USP26: variants seen among roughly 807,000 people sequenced by gnomAD.
USP26 encodes ubiquitin carboxyl-terminal hydrolase 26.
For synonymous variants in USP26, 236 were observed against 240.6 expected (o/e 0.98, Z 0.18); for missense variants, 649 against 642.3 (o/e 1.01, Z -0.11).
chrX:133,075,062 C>T (rs756903207), intron 5 of USP26, among the ~76,000 whole-genome samples: 9 of 111,395 alleles, frequency 8.1e-5, no homozygotes, highest in African/African-American at 1.6e-4. Context: ...GCATTAAAGA[C>T]GGCAGTTCCT....
intron 5 of USP26, among the ~76,000 whole-genome samples, chrX:133,061,359 G>A (rs898161751): frequency 8.9e-6 from 1 of 112,072 alleles, no homozygotes; most frequent in African/African-American, 3.2e-5. Context: ...GTGTGCTGAG[G>A]GTCTTATTTC....
At chrX:133,081,068 T>G (rs1270443756) in intron 5 of USP26, among the ~76,000 whole-genome samples, 1 of 111,250 alleles carries the variant, frequency 9.0e-6, no homozygotes, top group Non-Finnish European at 1.9e-5. Flanking sequence ...TTGCCTAATT[T>G]GGCCTGTCTC....
At chrX:133,066,788 C>A (rs2067513201) in intron 5 of USP26, among the ~76,000 whole-genome samples, 1 of 111,823 alleles carries the variant, frequency 8.9e-6, no homozygotes, top group African/African-American at 3.3e-5. Flanking sequence ...AAAACCTAGG[C>A]AATACCACCC....
intron 5 of USP26, among the ~76,000 whole-genome samples, chrX:133,055,561 C>A (rs1297773607): frequency 8.9e-6 from 1 of 111,859 alleles, no homozygotes; most frequent in African/African-American, 3.3e-5. Context: ...AGGCAATACT[C>A]AGTAGCTATT....
At chrX:133,032,084 G>A (rs769410102) in intron 5 of USP26, among the ~76,000 whole-genome samples, 87 of 111,529 alleles carry the variant, frequency 7.8e-4, no homozygotes, top group African/African-American at 2.7e-3. Context: ...GGGAAACGGA[G>A]GTTGCAGTGC....
At chrX:133,035,287 G>A (rs2067392326) in intron 5 of USP26, among the ~76,000 whole-genome samples, 1 of 112,310 alleles carries the variant, frequency 8.9e-6, no homozygotes, top group African/African-American at 3.2e-5. Context: ...ATCATCCAAA[G>A]GAATTATTTG....
chrX:133,092,037 T>G (rs1280787092), intron 1 of USP26, among the ~76,000 whole-genome samples: 1 of 111,572 alleles, frequency 9.0e-6, no homozygotes, highest in Non-Finnish European at 1.9e-5. Flanking sequence ...GAACACTTCC[T>G]TTTCCACTTA....
chrX:133,066,636 T>G (rs145863381), intron 5 of USP26, among the ~76,000 whole-genome samples: 2,242 of 111,890 alleles, frequency 0.02, 24 homozygotes, highest in Non-Finnish European at 0.032. Context: ...CATTCCCTAT[T>G]TAATAAATGG....
chrX:133,069,451 G>T (rs1444343078), intron 5 of USP26, among the ~76,000 whole-genome samples: 1 of 111,171 alleles, frequency 9.0e-6, no homozygotes, highest in African/African-American at 3.3e-5. Context: ...GGGAATGGAG[G>T]TGGTGGGGAG....
At chrX:133,047,134 T>C (rs2067443629) in intron 5 of USP26, among the ~76,000 whole-genome samples, 1 of 111,774 alleles carries the variant, frequency 8.9e-6, no homozygotes, top group African/African-American at 3.3e-5. Flanking sequence ...AAACCCTTAC[T>C]TGCCCCGAAT....
intron 5 of USP26, among the ~76,000 whole-genome samples, chrX:133,077,809 C>T (rs1375523309): frequency 5.4e-5 from 6 of 111,724 alleles, no homozygotes; most frequent in Non-Finnish European, 7.5e-5. Context: ...TGGCTGGGTG[C>T]GGTGGCTTAC....
chrX:133,037,691 GT>G (rs766170674), intron 5 of USP26, among the ~76,000 whole-genome samples: 2 of 112,094 alleles, frequency 1.8e-5, no homozygotes, highest in South Asian at 7.4e-4. Context: ...GTTTAAGGAA[GT>G]TTTTTCTAGT....
At chrX:133,066,336 C>T (rs772069827) in intron 5 of USP26, among the ~76,000 whole-genome samples, 1 of 111,886 alleles carries the variant, frequency 8.9e-6, no homozygotes, top group African/African-American at 3.2e-5. Flanking sequence ...TTCCATCAAG[C>T]TACCATTTAC....
intron 5 of USP26, among the ~76,000 whole-genome samples, chrX:133,065,659 T>G (rs1173793940): frequency 8.9e-6 from 1 of 112,002 alleles, no homozygotes; most frequent in Non-Finnish European, 1.9e-5. Flanking sequence ...GAAAAGGCCT[T>G]CGATAAAATC....
At position 133,026,871 on chromosome X, in the gene USP26, A is replaced by C. The variant is rs750488219; in HGVS notation, c.1350T>G (p.Ala450=). The change falls in exon 6 of 6, where the codon GCT becomes GCG. Residue 450 remains alanine (A), a synonymous_variant. Transcript: ENST00000511190. ...CTGTCTTGAGAATAACCTGACCACA[A>C]GCTTTACAAGCAATGGAGTGCAACA... ...LELLHSIACK[A]CGQVILKTEL... The C allele has an allele frequency of 8.3e-7, 1 of 1,209,632 alleles. No individual in the cohort carries two copies. Among genetic ancestry groups the C allele is most frequent in the African/African-American group, 1.7e-5 (1 of 57,202 alleles).
intron 5 of USP26, among the ~76,000 whole-genome samples, chrX:133,035,517 C>T (rs111963061): frequency 0.035 from 3,856 of 111,763 alleles, 98 homozygotes; most frequent in East Asian, 0.1. Flanking sequence ...CATTGGGGAG[C>T]TAAAACCACA....
At chrX:133,038,052 T>A (rs1241041962) in intron 5 of USP26, among the ~76,000 whole-genome samples, 3 of 111,759 alleles carry the variant, frequency 2.7e-5, no homozygotes, top group African/African-American at 9.8e-5. Context: ...TTTATTAGCT[T>A]AAGGAGATTT....
rs1403404463 is a variant in USP26, at chrX:133,077,739, G to A, written c.-77+5968C>T. 3.6e-5 allele frequency among the ~76,000 whole-genome samples: 4 copies of A among 111,658 alleles called. No individual in the cohort carries two copies. In the Admixed American group the frequency reaches 3.8e-4, roughly 11 times the overall value. On this transcript the variant is annotated intron_variant, in intron 5 of 5. Coordinates refer to ENST00000511190, the MANE Select transcript of USP26 (RefSeq NM_031907.3). ...ATCCCTCATGAATGTTTTGGTCCTT[G>A]CAGTAATAAATGAGTTCTCACTCTG... is the stretch of plus-strand genomic sequence containing the variant.
At chrX:133,049,201 A>G (rs2067450806) in intron 5 of USP26, among the ~76,000 whole-genome samples, 1 of 111,927 alleles carries the variant, frequency 8.9e-6, no homozygotes, top group Non-Finnish European at 1.9e-5. Context: ...AATGACTTCT[A>G]AATACTAAGC....
Sources: allele counts gnomAD v4.1 joint callset (sites outside exome capture counted in the v4.1 genomes callset), GRCh38; gene constraint gnomAD v4.1.1; transcripts MANE v1.5; gene names NCBI Gene and HGNC (gene_info 2026-07-23, HGNC 2026-07-21).